RUBCN: variants seen among roughly 807,000 people sequenced by gnomAD.
RUBCN encodes run domain Beclin-1-interacting and cysteine-rich domain-containing protein.
In RUBCN, 74 loss-of-function variants were observed where a neutral mutation model predicts 113.2. That is an observed-to-expected ratio of 0.65 (90% confidence interval 0.54 to 0.79). The LOEUF (loss-of-function observed/expected upper bound fraction) is 0.79, where lower values mean the gene tolerates loss of function less well. RUBCN is among the 30% of genes least tolerant of loss of function. The pLI, the probability that RUBCN is intolerant of heterozygous loss-of-function variation, is 0.00. For synonymous variants in RUBCN, 480 were observed against 490.0 expected (o/e 0.98, Z 0.27); for missense variants, 1,109 against 1,251.7 (o/e 0.89, Z 1.72).
chr3:197,741,830 C>CAA (rs553278631), upstream of RUBCN, among the ~76,000 whole-genome samples: 3 of 135,734 alleles, frequency 2.2e-5, no homozygotes, highest in African/African-American at 8.1e-5. Context: ...GACTCCATCT[C>CAA]AAAAAAAAAA....
At chr3:197,705,938 G>A (rs1259695882) in intron 2 of RUBCN, among the ~76,000 whole-genome samples, 1 of 152,130 alleles carries the variant, frequency 6.6e-6, no homozygotes, top group Non-Finnish European at 1.5e-5. Context: ...ATGTTGGCCA[G>A]GCTGGTCTCA....
In RUBCN at chr3:197,696,885, G is replaced by A; in HGVS notation, c.1357+69C>T. On this transcript the variant is annotated intron_variant, in intron 8 of 19. Coordinates refer to ENST00000296343, the MANE Select transcript of RUBCN (RefSeq NM_014687.4). The stretch of plus-strand genomic sequence containing the variant: ...GAGCTGAGATGAACCCCAAAACTCA[G>A]AACTTAGCAGGCACAAGGGGTGAGC... The A allele has an allele frequency of 3.5e-6, 3 of 864,466 alleles. No individual in the cohort carries two copies. In the South Asian group the frequency reaches 4.0e-5, roughly 12 times the overall value. The allele number at this position is 864,466 out of a possible 1,614,324, so 53.5% of individuals were successfully genotyped here.
At chr3:197,676,103 A>G (rs1560397015) in intron 18 of RUBCN, 2 of 718,440 alleles carry the variant, frequency 2.8e-6, no homozygotes, top group East Asian at 2.5e-4. Flanking sequence ...GCGTTTGAGG[A>G]ATACATAAAG....
At chr3:197,734,491 T>G (rs1727897996) in intron 1 of RUBCN, among the ~76,000 whole-genome samples, 1 of 151,942 alleles carries the variant, frequency 6.6e-6, no homozygotes, top group African/African-American at 2.4e-5. Flanking sequence ...CTGTACAACC[T>G]TGGCAAGTTA....
chr3:197,679,028 C>T (rs1471449671), intron 16 of RUBCN, among the ~76,000 whole-genome samples: 8 of 151,290 alleles, frequency 5.3e-5, no homozygotes, highest in Admixed American at 3.9e-4. Flanking sequence ...GACTGTCCTA[C>T]GCTCTGACAA....
At chr3:197,736,263 T>C (rs1580407252) in intron 1 of RUBCN, among the ~76,000 whole-genome samples, 1 of 152,186 alleles carries the variant, frequency 6.6e-6, no homozygotes, top group Non-Finnish European at 1.5e-5. Flanking sequence ...TTGGCCCCAC[T>C]TGCTGTCACG....
In RUBCN at chr3:197,676,990, G is replaced by A. The variant is rs1160271854; in HGVS notation, c.2541C>T (p.Leu847=). ...DTVPGHLTED[L]HLYSLNDLTA... The stretch of plus-strand genomic sequence containing the variant: ...TCAGGTCATTCAGTGAGTACAGGTG[G>A]AGGTCCTCTGTCAGGTGGCCTGGGA... Residue 847 remains leucine, a synonymous_variant, in exon 18 of 20, where the codon CTC becomes CTT. Transcript: ENST00000296343. The A allele has an allele frequency of 6.2e-7, 1 of 1,614,090 alleles. No homozygotes were observed. The highest frequency in any genetic ancestry group is 1.3e-5 in the African/African-American group (1 of 75,048).
rs191636383 is a variant in RUBCN, at chr3:197,678,516, G to A, written c.2431-975C>T. On this transcript the variant is annotated intron_variant, in intron 16 of 19. Transcript: ENST00000296343. ...GACAACTGGCTCCAGACTGTCCTAC[G>A]CTCTAACAACTGGCTTCAGACTGTC... Among the ~76,000 whole-genome samples the A allele has an allele frequency of 5.6e-3, 800 of 143,924 alleles. 6 individuals are homozygous for A. Among genetic ancestry groups the A allele is most frequent in the Middle Eastern group, 0.018 (4 of 220 alleles). The allele number at this position is 143,924 out of a possible 152,430, so 94.4% of individuals were successfully genotyped here. A position where few individuals can be genotyped will look rare whatever the true frequency, so the allele number is the denominator to read the frequency against.
intron 4 of RUBCN, 117 bp from the exon 5 acceptor site, chr3:197,703,771 G>T: frequency 2.8e-6 from 2 of 718,632 alleles, no homozygotes; most frequent in South Asian, 3.0e-5. Context: ...AGGCAGATCA[G>T]AAACAAAGTA....
At chr3:197,682,393 A>C in intron 14 of RUBCN, 77 bp downstream of exon 14, 1 of 1,553,038 alleles carries the variant, frequency 6.4e-7, no homozygotes, top group Non-Finnish European at 8.8e-7. Flanking sequence ...GGCAGGGACA[A>C]GTGGGTGAGA....
Position 197,719,338 on chromosome 3 carries a change from C to T in RUBCN, c.66-1208G>A, listed in dbSNP as rs565756052. 8.1e-4 allele frequency among the ~76,000 whole-genome samples: 123 copies of T among 151,948 alleles called. 1 individual carries two copies. Among genetic ancestry groups the T allele is most frequent in the African/African-American group, 2.7e-3 (113 of 41,460 alleles). On this transcript the variant is annotated intron_variant, in intron 1 of 19. Coordinates refer to ENST00000296343, the MANE Select transcript of RUBCN (RefSeq NM_014687.4). ...CCAAAAAATACAAAAATTAGCCAGG[C>T]GTGGTGGCACATGCCTGTAATCCCA...
At position 197,671,174 on chromosome 3, in the gene RUBCN, C is replaced by G. The variant is rs144173238; in HGVS notation, c.*3844G>C. Among the ~76,000 whole-genome samples, 561 of 152,216 alleles carry G rather than the reference C, an allele frequency of 3.7e-3. 3 individuals carry two copies. Among genetic ancestry groups the G allele is most frequent in the Middle Eastern group, 0.017 (5 of 294 alleles). On this transcript the variant is annotated 3_prime_UTR_variant, in exon 20 of 20. Coordinates refer to ENST00000296343, the MANE Select transcript of RUBCN (RefSeq NM_014687.4). ...GGATTACAAGCACATGCCACCATGCCTGGCTAATTTTTATATTTTTGTAGA... is the reference window on the plus strand; with the variant it reads ...GGATTACAAGCACATGCCACCATGCGTGGCTAATTTTTATATTTTTGTAGA...
At chr3:197,697,128 A>T in intron 7 of RUBCN, 79 bp from the exon 8 acceptor site, 1 of 761,150 alleles carries the variant, frequency 1.3e-6, no homozygotes, top group Non-Finnish European at 2.4e-6. Context: ...GAGTTTCAAC[A>T]CTTAACTGCA....
intron 1 of RUBCN, among the ~76,000 whole-genome samples, chr3:197,721,290 C>A (rs1044453965): frequency 1.3e-5 from 2 of 152,150 alleles, no homozygotes; most frequent in African/African-American, 4.8e-5. Flanking sequence ...TCTCATTACT[C>A]ATTATTGGTG....
In RUBCN at chr3:197,674,844, C is replaced by G; in HGVS notation, c.*174G>C. 5.1e-6 allele frequency: 3 copies of G among 585,818 alleles called. No individual in the cohort carries two copies. The highest frequency in any genetic ancestry group is 8.6e-6 in the Non-Finnish European group (3 of 347,566). 36.3% of individuals were successfully genotyped at this position (585,818 alleles called of 1,614,324 possible). On this transcript the variant is annotated 3_prime_UTR_variant, in exon 20 of 20. Transcript: ENST00000296343. ...ACAGACTCTGGACCCATCAACCTGC[C>G]GACGGCTGACTGCACACAGACGTCA...
intron 18 of RUBCN, chr3:197,676,680 T>C: frequency 7.0e-7 from 1 of 1,431,480 alleles, no homozygotes; most frequent in Non-Finnish European, 9.1e-7. Flanking sequence ...CAGCACCAGC[T>C]CCTCCCCTCA....
chr3:197,725,892 G>C (rs1396993313), intron 1 of RUBCN, among the ~76,000 whole-genome samples: 1 of 152,108 alleles, frequency 6.6e-6, no homozygotes, highest in Non-Finnish European at 1.5e-5. Context: ...TACCAACTTT[G>C]CTGCCCAGTA....
chr3:197,719,495 A>AT (rs1447711733), intron 1 of RUBCN, among the ~76,000 whole-genome samples: 290 of 151,718 alleles, frequency 1.9e-3, no homozygotes, highest in Middle Eastern at 3.4e-3. Context: ...AAAAAAAAAA[A>AT]AAAGAACATG....
chr3:197,722,669 A>T (rs1726295887), intron 1 of RUBCN, among the ~76,000 whole-genome samples: 1 of 151,468 alleles, frequency 6.6e-6, no homozygotes, highest in Non-Finnish European at 1.5e-5. Context: ...ACACACACAC[A>T]ACTGTTATAT....
Sources: allele counts gnomAD v4.1 joint callset (sites outside exome capture counted in the v4.1 genomes callset), GRCh38; gene constraint gnomAD v4.1.1; transcripts MANE v1.5; gene names NCBI Gene and HGNC (gene_info 2026-07-23, HGNC 2026-07-21).